Variants in SLAIN2 observed in about 807,000 individuals in gnomAD.
The protein encoded by SLAIN2 is SLAIN family member 2.
Under a neutral mutation model 56.6 loss-of-function variants are expected in SLAIN2, and 31 were observed. The observed-to-expected ratio is 0.55, with a 90% CI of 0.41 to 0.74. SLAIN2 has a LOEUF of 0.74. Ranked by LOEUF, SLAIN2 falls within the 30% of genes least tolerant of loss-of-function variation. SLAIN2 has a pLI of 0.00. For missense variants in SLAIN2, 777 were observed against 754.2 expected (o/e 1.03, Z -0.35); for synonymous variants, 317 against 284.9 (o/e 1.11, Z -1.13).
intron 6 of SLAIN2, among the ~76,000 whole-genome samples, chr4:48,409,028 G>C (rs1716778099): frequency 6.6e-6 from 1 of 152,124 alleles, no homozygotes; most frequent in Admixed American, 6.5e-5. Flanking sequence ...TTGTAGCCTA[G>C]GAGCCATAGA....
chr4:48,406,546 A>G (rs1349786651), intron 6 of SLAIN2, among the ~76,000 whole-genome samples: 1 of 100,944 alleles, frequency 9.9e-6, no homozygotes, highest in South Asian at 3.1e-4. Context: ...TTTTTTTTTT[A>G]AGTTAAGCTA....
At chr4:48,412,398 ACACACACAC>A (rs1716884083) in intron 6 of SLAIN2, among the ~76,000 whole-genome samples, 1 of 57,604 alleles carries the variant, frequency 1.7e-5, no homozygotes, top group African/African-American at 5.3e-5. Context: ...ACACACACAC[ACACACACAC>A]ACACACACAT....
chr4:48,382,761 G>T lies in SLAIN2; in HGVS notation c.1056G>T (p.Pro352=), dbSNP rs748699155. 1.2e-6 allele frequency: 2 copies of T among 1,613,480 alleles called. No individual in the cohort carries two copies. The highest frequency in any genetic ancestry group is 1.7e-6 in the Non-Finnish European group (2 of 1,179,834). The change falls in exon 5 of 8, where the codon CCG becomes CCT. Residue 352 remains proline, a synonymous_variant. Coordinates refer to ENST00000264313, the MANE Select transcript of SLAIN2 (RefSeq NM_020846.2). ...FSPSPRNSPR[P]SPKQSPRNSP... is the part of the protein sequence containing the mutation. ...CATCACCACGCAATTCACCTCGACC[G>T]TCACCTAAGCAGTCACCCAGAAATT...
At chr4:48,379,118 G>T (rs1715904153) in intron 3 of SLAIN2, among the ~76,000 whole-genome samples, 1 of 151,948 alleles carries the variant, frequency 6.6e-6, no homozygotes, top group African/African-American at 2.4e-5. Flanking sequence ...TATTCCTCTG[G>T]CCTGTTTTCT....
chr4:48,402,647 C>T (rs902647347), intron 6 of SLAIN2, among the ~76,000 whole-genome samples: 1 of 152,162 alleles, frequency 6.6e-6, no homozygotes, highest in African/African-American at 2.4e-5. Context: ...TTCTGGTTGT[C>T]AGCTCCGGTA....
intron 6 of SLAIN2, among the ~76,000 whole-genome samples, chr4:48,388,535 A>G (rs534216448): frequency 6.6e-6 from 1 of 152,340 alleles, no homozygotes; most frequent in East Asian, 1.9e-4. Flanking sequence ...TATTTCATTT[A>G]AACATCAGAA....
At chr4:48,410,793 A>C (rs761276107) in intron 6 of SLAIN2, among the ~76,000 whole-genome samples, 1 of 152,210 alleles carries the variant, frequency 6.6e-6, no homozygotes, top group Non-Finnish European at 1.5e-5. Flanking sequence ...TCAGTATCTC[A>C]ACATCAGATT....
intron 6 of SLAIN2, 159 bp downstream of exon 6, chr4:48,383,943 C>A (rs2109764019): frequency 1.4e-6 from 1 of 693,600 alleles, no homozygotes; most frequent in Non-Finnish European, 2.3e-6. Context: ...GGATGATAAT[C>A]AAAGTTATAT....
chr4:48,412,007 A>G (rs754776611), intron 6 of SLAIN2, among the ~76,000 whole-genome samples: 4 of 136,626 alleles, frequency 2.9e-5, no homozygotes, highest in Non-Finnish European at 6.5e-5. Context: ...TTATGGAGAG[A>G]GTTGAGGAAA....
At chr4:48,349,974 A>T (rs1714969688) in intron 1 of SLAIN2, among the ~76,000 whole-genome samples, 1 of 152,272 alleles carries the variant, frequency 6.6e-6, no homozygotes, top group Non-Finnish European at 1.5e-5. Flanking sequence ...CAAAAAAAAC[A>T]TTTATTGAAC....
At position 48,425,893 on chromosome 4, in the gene SLAIN2, C is replaced by CTGAATGTTG. The variant is rs1717286609; in HGVS notation, c.*3817_*3818insGAATGTTGT. 1 of 152,086 alleles carries CTGAATGTTG rather than the reference C, an allele frequency of 6.6e-6. No homozygotes were observed. The highest frequency in any genetic ancestry group is 2.4e-5 in the African/African-American group (1 of 41,424). 9.4% of individuals were successfully genotyped at this position (152,086 alleles called of 1,614,324 possible). A position where few individuals can be genotyped will look rare whatever the true frequency, so the allele number is the denominator to read the frequency against. On this transcript the variant is annotated 3_prime_UTR_variant, in exon 8 of 8. Coordinates refer to ENST00000264313, the MANE Select transcript of SLAIN2 (RefSeq NM_020846.2). ...TTACTGTAATACAAACTGGTTAAAA[C>CTGAATGTTG]TATGTTAACTGAATGCTAGTTTGAA...
In SLAIN2 at chr4:48,378,025, C is replaced by T; in HGVS notation, c.668C>T (p.Pro223Leu). The change falls in exon 3 of 8, where the codon CCT becomes CTT. Residue 223 changes from proline (P) to leucine (L), a missense_variant. Physicochemically the swap from Pro to Leu is moderately conservative, Grantham distance 98. Coordinates refer to ENST00000264313, the MANE Select transcript of SLAIN2 (RefSeq NM_020846.2). ...NSPSSTPVRP[P>L]IVKQLILPGN... ...CCATCCTCAACCCCAGTGCGACCTC[C>T]TATAGTCAAACAGCTTATACTTCCT... 6.2e-7 allele frequency: 1 copy of T among 1,613,726 alleles called. No individual in the cohort carries two copies. The highest frequency in any genetic ancestry group is 2.2e-5 in the East Asian group (1 of 44,858).
At chr4:48,392,003 T>A (rs1329793076) in intron 6 of SLAIN2, among the ~76,000 whole-genome samples, 3 of 152,188 alleles carry the variant, frequency 2.0e-5, no homozygotes, top group African/African-American at 7.2e-5. Flanking sequence ...CCAAAGAAAG[T>A]TTTAAACCAT....
chr4:48,380,673 C>G (rs1178548780), intron 4 of SLAIN2, among the ~76,000 whole-genome samples: 1 of 152,164 alleles, frequency 6.6e-6, no homozygotes, highest in Non-Finnish European at 1.5e-5. Flanking sequence ...AAGATGCCAT[C>G]TGCATAACTA....
intron 6 of SLAIN2, among the ~76,000 whole-genome samples, chr4:48,408,530 C>CAAAA (rs3072283): frequency 0.038 from 4,167 of 108,676 alleles, 132 homozygotes; most frequent in Middle Eastern, 0.073. Flanking sequence ...CCGTTTTTAG[C>CAAAA]AAAAAAAAAA....
chr4:48,393,384 G>GC (rs1716283010), intron 6 of SLAIN2, among the ~76,000 whole-genome samples: 6 of 129,292 alleles, frequency 4.6e-5, no homozygotes, highest in African/African-American at 1.6e-4. Context: ...ACCATGTCTG[G>GC]CTTGTGTGTG....
At chr4:48,400,755 G>A (rs910205140) in intron 6 of SLAIN2, among the ~76,000 whole-genome samples, 4 of 151,680 alleles carry the variant, frequency 2.6e-5, no homozygotes, top group African/African-American at 7.3e-5. Flanking sequence ...TAAAAAAAAA[G>A]CTTCTAAATT....
intron 7 of SLAIN2, among the ~76,000 whole-genome samples, chr4:48,421,213 C>T (rs998582761): frequency 2.0e-5 from 3 of 151,976 alleles, no homozygotes; most frequent in Non-Finnish European, 2.9e-5. Flanking sequence ...TACCATGTTG[C>T]CCAGGCTTGT....
intron 2 of SLAIN2, among the ~76,000 whole-genome samples, chr4:48,373,621 A>C (rs1170162113): frequency 1.3e-5 from 2 of 152,016 alleles, no homozygotes; most frequent in Admixed American, 1.3e-4. Context: ...ACTACAAATA[A>C]TTTTTTTAGT....
Sources: gnomAD v4.1 joint callset for allele counts (sites outside exome capture counted in the v4.1 genomes callset) on GRCh38, gnomAD v4.1.1 for gene constraint, MANE v1.5 for transcripts, NCBI Gene and HGNC (gene_info 2026-07-23, HGNC 2026-07-21) for gene names.